Variants in ABCC8 observed in about 807,000 individuals in gnomAD.
The protein encoded by ABCC8 is ATP-binding cassette sub-family C member 8.
ABCC8 carries 137 observed loss-of-function variants against 188.0 expected under a neutral mutation model. That is an observed-to-expected ratio of 0.73 (90% CI 0.63 to 0.84). The LOEUF is 0.84. ABCC8 is among the 40% of genes least tolerant of loss of function. ABCC8 has a pLI of 0.00. For missense variants in ABCC8, 1,750 were observed against 2,072.7 expected, an observed-to-expected ratio of 0.84 and a Z score of 3.02; for synonymous variants, 797 against 846.5, an observed-to-expected ratio of 0.94 and a Z score of 1.01.
chr11:17,466,053 T>G (rs976235135), intron 3 of ABCC8, among the ~76,000 whole-genome samples: 3 of 152,162 alleles, frequency 2.0e-5, no homozygotes, highest in Admixed American at 2.0e-4. Flanking sequence ...CAATACATGC[T>G]ACAACATGGA....
At chr11:17,393,273 T>C (rs1274582127) in intron 38 of ABCC8, 145 bp from the exon 39 acceptor site, 2 of 1,149,368 alleles carry the variant, frequency 1.7e-6, no homozygotes, top group Non-Finnish European at 2.5e-6. Context: ...GACTGCACTT[T>C]CCTGGGGTGG....
intron 16 of ABCC8, among the ~76,000 whole-genome samples, chr11:17,423,000 G>C (rs1256106064): frequency 2.0e-5 from 3 of 151,820 alleles, no homozygotes; most frequent in Non-Finnish European, 4.4e-5. Context: ...TCCTCTCCTT[G>C]ACTGCAGAGT....
intron 8 of ABCC8, among the ~76,000 whole-genome samples, chr11:17,443,887 A>C (rs751096372): frequency 2.6e-5 from 4 of 152,192 alleles, no homozygotes; most frequent in Admixed American, 2.0e-4. Flanking sequence ...CTACTTCTGA[A>C]TATTTATGAG....
chr11:17,464,992 G>A (rs933610263), intron 3 of ABCC8, among the ~76,000 whole-genome samples: 9 of 152,224 alleles, frequency 5.9e-5, no homozygotes, highest in Non-Finnish European at 1.3e-4. Context: ...CCTGGCTCAG[G>A]GTTAGGAAAC....
Position 17,416,901 on chromosome 11 carries a change from C to A in ABCC8, c.2255+29G>T, listed in dbSNP as rs371012557. 15 of 1,613,832 alleles carry A rather than the reference C, an allele frequency of 9.3e-6. No homozygotes were observed. The African/African-American group carries it at 2.0e-4, about 22-fold the overall frequency. On this transcript the variant is annotated intron_variant, in intron 17 of 38. Coordinates refer to ENST00000389817, the MANE Select transcript of ABCC8 (RefSeq NM_000352.6). ...CCCTACCCCTTCCCTTTGTTGAGAC[C>A]CACTTCTGACCCAGTCCCAAGGCTG...
intron 28 of ABCC8, 163 bp from the exon 29 acceptor site, chr11:17,402,916 T>C (rs1465980566): frequency 3.7e-5 from 11 of 296,200 alleles, no homozygotes; most frequent in African/African-American, 6.8e-5. Flanking sequence ...CACCAGCCCA[T>C]TGAGCTTTTG....
At position 17,442,843 on chromosome 11, in the gene ABCC8, G is replaced by T; in HGVS notation, c.1507C>A (p.Leu503Ile). Residue 503 changes from leucine to isoleucine, a missense_variant, in exon 10 of 39, where the codon CTC (leucine) becomes ATC (isoleucine). Coordinates refer to ENST00000389817, the MANE Select transcript of ABCC8 (RefSeq NM_000352.6). ...NERLKQTNEM[L>I]RGIKLLKLYA... The stretch of plus-strand genomic sequence containing the variant: ...AGCTTCAGCAGCTTGATGCCGCGGA[G>T]CATCTCGTTGGTCTGCTTCAGCCGC... The T allele has an allele frequency of 6.2e-7, 1 of 1,614,086 alleles. No homozygotes were observed. Among genetic ancestry groups the T allele is most frequent in the Non-Finnish European group, 8.5e-7 (1 of 1,180,048 alleles).
At chr11:17,429,930 C>G (rs1162376846) in intron 12 of ABCC8, 1 of 152,556 alleles carries the variant, frequency 6.6e-6, no homozygotes, top group Non-Finnish European at 1.5e-5. Flanking sequence ...AAGCTACCCT[C>G]TCTATCAGCT....
At chr11:17,397,849 C>T (rs1954025158) in intron 30 of ABCC8, 52 bp from the exon 31 acceptor site, 7 of 1,603,128 alleles carry the variant, frequency 4.4e-6, no homozygotes, top group Non-Finnish European at 5.9e-6. Flanking sequence ...AGCCACAGGC[C>T]CCTGTTCTAC....
intron 36 of ABCC8, 58 bp from the exon 37 acceptor site, chr11:17,394,457 G>C (rs1953800633): frequency 9.3e-6 from 15 of 1,612,940 alleles, no homozygotes; most frequent in Non-Finnish European, 1.0e-5. Context: ...TGTGAGTGGA[G>C]CAGATGGGAT....
intron 8 of ABCC8, among the ~76,000 whole-genome samples, chr11:17,446,179 T>C (rs568648737): frequency 1.9e-4 from 29 of 152,084 alleles, no homozygotes; most frequent in Non-Finnish European, 4.0e-4. Context: ...TTGGTCAGGC[T>C]GGTCTCGAAC....
At chr11:17,430,562 T>TA in intron 12 of ABCC8, 1 of 519,568 alleles carries the variant, frequency 1.9e-6, no homozygotes, top group Non-Finnish European at 3.5e-6. Context: ...TTTTTTTTTT[T>TA]AAGTTGTCGT....
chr11:17,396,039 T>C, intron 33 of ABCC8, 109 bp from the exon 34 acceptor site: 1 of 1,529,936 alleles, frequency 6.5e-7, no homozygotes, highest in Non-Finnish European at 8.8e-7. Flanking sequence ...AGGGTATCTT[T>C]TTGGCCTGGT....
chr11:17,424,731 C>A (rs1012047996), intron 16 of ABCC8, among the ~76,000 whole-genome samples: 2 of 152,226 alleles, frequency 1.3e-5, no homozygotes, highest in Admixed American at 1.3e-4. Flanking sequence ...TCCAGCCTGA[C>A]CACTACATGG....
At chr11:17,434,968 C>T (rs1038230845) in intron 10 of ABCC8, among the ~76,000 whole-genome samples, 1 of 136,496 alleles carries the variant, frequency 7.3e-6, no homozygotes, top group Admixed American at 7.6e-5. Context: ...GTAGAATCAT[C>T]AGCTGCGTGT....
intron 2 of ABCC8, among the ~76,000 whole-genome samples, chr11:17,471,660 C>T (rs986487830): frequency 3.3e-5 from 5 of 152,214 alleles, no homozygotes; most frequent in Non-Finnish European, 5.9e-5. Flanking sequence ...AAAGGAGAGG[C>T]ATGTCGGCAG....
intron 23 of ABCC8, 108 bp downstream of exon 23, chr11:17,408,284 T>C: frequency 2.7e-6 from 3 of 1,111,714 alleles, no homozygotes; most frequent in Non-Finnish European, 4.0e-6. Context: ...ATCTGCCCTT[T>C]AGGGGGCTTC....
intron 8 of ABCC8, among the ~76,000 whole-genome samples, chr11:17,447,026 A>G (rs1956561262): frequency 2.0e-5 from 3 of 152,184 alleles, no homozygotes; most frequent in Admixed American, 2.0e-4. Context: ...TACTTACATT[A>G]TCTAACTGAA....
At chr11:17,470,354 G>A in intron 2 of ABCC8, 132 bp from the exon 3 acceptor site, 1 of 1,469,960 alleles carries the variant, frequency 6.8e-7, no homozygotes. Flanking sequence ...GGGCCCTTTA[G>A]TTAATGGGCG....
Sources: gnomAD v4.1 joint callset for allele counts (sites outside exome capture counted in the v4.1 genomes callset) on GRCh38, gnomAD v4.1.1 for gene constraint, MANE v1.5 for transcripts, NCBI Gene and HGNC (gene_info 2026-07-23, HGNC 2026-07-21) for gene names.